The following FMNL2 variants were observed in gnomAD, a reference collection of about 807,000 sequenced individuals.
FMNL2 encodes the protein formin-like protein 2.
Under a neutral mutation model 130.2 loss-of-function variants are expected in FMNL2, and 51 were observed. The ratio of observed to expected loss-of-function variants is 0.39; its 90% confidence interval spans 0.31 to 0.49. The LOEUF (loss-of-function observed/expected upper bound fraction) is 0.49. Among genes scored for constraint, FMNL2 ranks in the 20% least tolerant of loss-of-function variants. FMNL2 has a pLI of 0.85. For synonymous variants in FMNL2, 465 were observed against 467.1 expected (o/e 1.00, Z 0.06); for missense variants, 977 against 1,316.2 (o/e 0.74, Z 3.99).
intron 11 of FMNL2, among the ~76,000 whole-genome samples, chr2:152,613,880 A>G (rs1394350197): frequency 2.0e-5 from 3 of 152,062 alleles, no homozygotes; most frequent in African/African-American, 7.2e-5. Flanking sequence ...GATTTATTTG[A>G]CCTCTAATTT....
At chr2:152,485,210 T>C (rs564884072) in intron 1 of FMNL2, among the ~76,000 whole-genome samples, 106 of 152,182 alleles carry the variant, frequency 7.0e-4, no homozygotes, top group Admixed American at 1.2e-3. Context: ...TAGCCATGCA[T>C]GGCCGGGCAC....
intron 1 of FMNL2, among the ~76,000 whole-genome samples, chr2:152,447,597 C>T (rs191680589): frequency 2.4e-4 from 37 of 152,176 alleles, no homozygotes; most frequent in Non-Finnish European, 4.4e-4. Flanking sequence ...CAATTTGTTA[C>T]CATCTTTTTC....
intron 1 of FMNL2, among the ~76,000 whole-genome samples, chr2:152,455,487 AG>A (rs905596247): frequency 3.7e-4 from 56 of 152,298 alleles, no homozygotes; most frequent in Admixed American, 2.6e-4. Context: ...GATGCTCTAA[AG>A]GAGCATTCAG....
At chr2:152,611,232 G>T (rs919352649) in intron 10 of FMNL2, among the ~76,000 whole-genome samples, 1 of 152,102 alleles carries the variant, frequency 6.6e-6, no homozygotes, top group Non-Finnish European at 1.5e-5. Flanking sequence ...CCAGCTACTC[G>T]GGAGGCCGAG....
chr2:152,637,494 T>C, intron 22 of FMNL2, 79 bp from the exon 23 acceptor site: 1 of 1,116,140 alleles, frequency 9.0e-7, no homozygotes, highest in South Asian at 1.3e-5. Flanking sequence ...TGGCTGCTGC[T>C]TTGCATCAGC....
intron 2 of FMNL2, among the ~76,000 whole-genome samples, chr2:152,536,666 A>G (rs111774983): frequency 2.5e-3 from 383 of 152,322 alleles, no homozygotes; most frequent in African/African-American, 8.9e-3. Flanking sequence ...CTAATACACC[A>G]CTGAAATAGA....
chr2:152,509,763 T>TTTTTTTG (rs1198654296), intron 1 of FMNL2, among the ~76,000 whole-genome samples: 11 of 144,654 alleles, frequency 7.6e-5, no homozygotes, highest in Non-Finnish European at 9.1e-5. Flanking sequence ...TTTTTTTTTT[T>TTTTTTTG]GAGAGAGGGT....
chr2:152,479,174 A>C (rs1690338030), intron 1 of FMNL2, among the ~76,000 whole-genome samples: 1 of 152,052 alleles, frequency 6.6e-6, no homozygotes, highest in African/African-American at 2.4e-5. Context: ...CCCAGGCTCG[A>C]GTTCACTGAT....
intron 1 of FMNL2, among the ~76,000 whole-genome samples, chr2:152,418,817 G>A (rs1396809200): frequency 6.6e-6 from 1 of 152,104 alleles, no homozygotes; most frequent in Non-Finnish European, 1.5e-5. Context: ...TTTTGAGTAT[G>A]TAACTGGAAG....
intron 1 of FMNL2, among the ~76,000 whole-genome samples, chr2:152,388,572 A>G (rs1255114012): frequency 2.0e-5 from 3 of 152,102 alleles, no homozygotes; most frequent in East Asian, 1.9e-4. Context: ...GGGAACTACA[A>G]TTCAAGATGA....
intron 11 of FMNL2, 21 bp downstream of exon 11, chr2:152,611,626 T>C: frequency 6.8e-7 from 1 of 1,462,578 alleles, no homozygotes; most frequent in Non-Finnish European, 9.5e-7. Flanking sequence ...CTGTGACCTT[T>C]GGCTCCAATA....
At chr2:152,423,183 A>C (rs1274423364) in intron 1 of FMNL2, among the ~76,000 whole-genome samples, 1 of 152,234 alleles carries the variant, frequency 6.6e-6, no homozygotes, top group Non-Finnish European at 1.5e-5. Context: ...TGTTAAAAAC[A>C]ATCCAGTTAT....
intron 6 of FMNL2, among the ~76,000 whole-genome samples, chr2:152,574,916 A>G (rs544001856): frequency 1.3e-5 from 2 of 152,300 alleles, no homozygotes; most frequent in African/African-American, 4.8e-5. Context: ...ACCTCCAAAA[A>G]GTGTGTTAAC....
chr2:152,429,827 T>G (rs1687402909), intron 1 of FMNL2, among the ~76,000 whole-genome samples: 1 of 152,240 alleles, frequency 6.6e-6, no homozygotes, highest in Non-Finnish European at 1.5e-5. Flanking sequence ...ATTTCTGTGC[T>G]GTAGTTTTCT....
chr2:152,560,798 T>A (rs2105597346), intron 5 of FMNL2, 85 bp from the exon 6 acceptor site: 1 of 1,308,690 alleles, frequency 7.6e-7, no homozygotes, highest in Non-Finnish European at 1.0e-6. Flanking sequence ...GCAGATGTCT[T>A]GTAGGAACAG....
At chr2:152,646,512 T>C (rs1683580593) in intron 25 of FMNL2, among the ~76,000 whole-genome samples, 1 of 151,464 alleles carries the variant, frequency 6.6e-6, no homozygotes, top group South Asian at 2.1e-4. Flanking sequence ...CTTCCAGTTT[T>C]TCAAAAGAAG....
intron 2 of FMNL2, among the ~76,000 whole-genome samples, chr2:152,524,503 A>C (rs1333042771): frequency 6.6e-6 from 1 of 152,196 alleles, no homozygotes; most frequent in Admixed American, 6.5e-5. Flanking sequence ...TCTGTGTTAT[A>C]GTAGGTGAAC....
rs1682205643 is a variant in FMNL2, at chr2:152,632,021, A to G, written c.2564A>G (p.Lys855Arg). The G allele has an allele frequency of 6.2e-7, 1 of 1,611,340 alleles. No homozygotes were observed. Among genetic ancestry groups the G allele is most frequent in the African/African-American group, 1.3e-5 (1 of 74,868 alleles). ...LQSLDLLLDTKSTDRKQTLLH... is the reference protein window; with the variant it reads ...LQSLDLLLDTRSTDRKQTLLH... ...TTTTGTTTTCAGCTCTTAGATACAA[A>G]GTCAACAGACAGAAAGCAAACACTG... is the stretch of plus-strand genomic sequence containing the variant. The change falls in exon 21 of 26, where the codon AAG becomes AGG. Residue 855 changes from lysine to arginine, a missense_variant. Physicochemically the swap from Lys to Arg is conservative, Grantham distance 26. This residue lies in a region of FMNL2 where 689 missense variants were observed against 995.9 expected (regional missense o/e 0.69). Transcript: ENST00000288670.
chr2:152,482,826 G>A (rs184759591), intron 1 of FMNL2, among the ~76,000 whole-genome samples: 1 of 152,156 alleles, frequency 6.6e-6, no homozygotes, highest in East Asian at 1.9e-4. Context: ...TACTGTCCCC[G>A]GTATTACTCT....
Sources: allele counts gnomAD v4.1 joint callset (sites outside exome capture counted in the v4.1 genomes callset), GRCh38; gene constraint gnomAD v4.1.1; regional missense constraint gnomAD v4.1.1; transcripts MANE v1.5; gene names NCBI Gene and HGNC (gene_info 2026-07-23, HGNC 2026-07-21).